SPIDR: variants seen among roughly 807,000 people sequenced by gnomAD.
SPIDR encodes DNA repair-scaffolding protein.
Under a neutral mutation model 104.6 loss-of-function variants are expected in SPIDR, and 93 were observed. That is an observed-to-expected ratio of 0.89 (90% CI 0.75 to 1.06). The LOEUF is 1.06. SPIDR is among the 50% of genes least tolerant of loss of function. The probability of loss-of-function intolerance (pLI) is 0.00; values close to 1 mark genes in which losing one functional copy is unlikely to be tolerated. For missense variants in SPIDR, 1,154 were observed against 1,111.2 expected (o/e 1.04, Z -0.55); for synonymous variants, 431 against 416.9 (o/e 1.03, Z -0.41).
At chr8:47,280,256 T>A (rs1018575685) in intron 2 of SPIDR, among the ~76,000 whole-genome samples, 63 of 151,960 alleles carry the variant, frequency 4.1e-4, no homozygotes, top group South Asian at 1.0e-3. Flanking sequence ...TTATTTATTT[T>A]TTTTGGAGAC....
intron 10 of SPIDR, among the ~76,000 whole-genome samples, chr8:47,645,354 A>ACTGTGAGGTTGTTGGATGC (rs1208362411): frequency 6.6e-6 from 1 of 152,132 alleles, no homozygotes; most frequent in Non-Finnish European, 1.5e-5. Context: ...CTCAAGGATG[A>ACTGTGAGGTTGTTGGATGC]CTGTGAGGTT....
rs572045959 is a variant in SPIDR, at chr8:47,665,938, A to G, written c.1545-7863A>G. 3.3e-5 allele frequency among the ~76,000 whole-genome samples: 5 copies of G among 152,262 alleles called. No individual in the cohort carries two copies. The East Asian group carries it at 9.6e-4, about 29-fold the overall frequency. On this transcript the variant is annotated intron_variant, in intron 10 of 19. Transcript: ENST00000297423. ...GTTGGATAAAACATAAATTTTTTGC[A>G]TTTTTTTATAGAACATAATTTGGAA...
In SPIDR at chr8:47,288,875, T is replaced by C. The variant is rs1028025505; in HGVS notation, c.257-2158T>C. Among the ~76,000 whole-genome samples, 6 of 152,352 alleles carry C rather than the reference T, an allele frequency of 3.9e-5. No individual in the cohort carries two copies. In the East Asian group the frequency reaches 1.2e-3, roughly 29 times the overall value. On this transcript the variant is annotated intron_variant, in intron 3 of 19. Transcript: ENST00000297423. ...ATCTTGTCAGTGAATCCTCTTTTCCTGATCGATGCAAAGTGGAACATTCCA... is the reference window on the plus strand; with the variant it reads ...ATCTTGTCAGTGAATCCTCTTTTCCCGATCGATGCAAAGTGGAACATTCCA...
chr8:47,391,977 C>T (rs2060641917), intron 5 of SPIDR, among the ~76,000 whole-genome samples: 1 of 124,998 alleles, frequency 8.0e-6, no homozygotes, highest in Non-Finnish European at 1.6e-5. Flanking sequence ...GCCTCGGCGA[C>T]AGAGCCAGAC....
intron 11 of SPIDR, among the ~76,000 whole-genome samples, chr8:47,691,804 A>C (rs1282824272): frequency 6.6e-6 from 1 of 152,174 alleles, no homozygotes; most frequent in Non-Finnish European, 1.5e-5. Flanking sequence ...CGGGGGTTAC[A>C]TGGAATTAGT....
chr8:47,689,439 C>A (rs1323600651), intron 11 of SPIDR, among the ~76,000 whole-genome samples: 2 of 152,176 alleles, frequency 1.3e-5, no homozygotes, highest in Non-Finnish European at 2.9e-5. Context: ...TTTGTGTGAT[C>A]TTCAAAATAA....
chr8:47,528,996 AT>A (rs559975194), intron 8 of SPIDR, among the ~76,000 whole-genome samples: 74 of 152,364 alleles, frequency 4.9e-4, no homozygotes, highest in African/African-American at 1.7e-3. Flanking sequence ...CCTGCAGAAA[AT>A]TACAGACAAA....
intron 5 of SPIDR, among the ~76,000 whole-genome samples, chr8:47,315,484 TG>T (rs1554588899): frequency 6.6e-6 from 1 of 152,200 alleles, no homozygotes; most frequent in African/African-American, 2.4e-5. Context: ...GAATTTAATG[TG>T]GTTCAAATCA....
At chr8:47,463,831 C>A (rs540920559) in intron 8 of SPIDR, among the ~76,000 whole-genome samples, 30 of 152,234 alleles carry the variant, frequency 2.0e-4, no homozygotes, top group African/African-American at 5.3e-4. Flanking sequence ...TAAAAACACT[C>A]AACAAACTGG....
chr8:47,704,919 C>A (rs977276988), intron 14 of SPIDR, among the ~76,000 whole-genome samples: 1 of 152,210 alleles, frequency 6.6e-6, no homozygotes, highest in Non-Finnish European at 1.5e-5. Context: ...CGCTCCTCTG[C>A]CTACCTTGAG....
At chr8:47,587,229 T>C (rs1415286917) in intron 8 of SPIDR, among the ~76,000 whole-genome samples, 1 of 152,220 alleles carries the variant, frequency 6.6e-6, no homozygotes, top group Non-Finnish European at 1.5e-5. Context: ...AAATGGTATA[T>C]AAGTTGTGAG....
chr8:47,354,464 AC>A (rs1359129998), intron 5 of SPIDR, among the ~76,000 whole-genome samples: 1 of 151,998 alleles, frequency 6.6e-6, no homozygotes, highest in African/African-American at 2.4e-5. Context: ...CCTGAGAATT[AC>A]GCATATTTAA....
intron 5 of SPIDR, among the ~76,000 whole-genome samples, chr8:47,320,716 A>G (rs1259782967): frequency 6.6e-6 from 1 of 152,180 alleles, no homozygotes; most frequent in East Asian, 1.9e-4. Context: ...CTGGCAAACC[A>G]AATCCAGCAT....
intron 10 of SPIDR, among the ~76,000 whole-genome samples, chr8:47,621,624 G>T (rs1272748841): frequency 6.6e-6 from 1 of 152,248 alleles, no homozygotes; most frequent in East Asian, 1.9e-4. Context: ...AGAGCTGTGT[G>T]AATACAGGGC....
At chr8:47,420,525 G>C (rs1554679366) in intron 7 of SPIDR, among the ~76,000 whole-genome samples, 1 of 152,068 alleles carries the variant, frequency 6.6e-6, no homozygotes, top group African/African-American at 2.4e-5. Context: ...AATGAGATGG[G>C]TTTCCTGAAT....
At chr8:47,503,319 T>C (rs1401713365) in intron 8 of SPIDR, among the ~76,000 whole-genome samples, 2 of 152,222 alleles carry the variant, frequency 1.3e-5, no homozygotes, top group Non-Finnish European at 2.9e-5. Flanking sequence ...GTCTGGGTGC[T>C]CCTGTATTGG....
intron 8 of SPIDR, among the ~76,000 whole-genome samples, chr8:47,566,974 G>C (rs1242370168): frequency 6.6e-6 from 1 of 152,062 alleles, no homozygotes; most frequent in Non-Finnish European, 1.5e-5. Flanking sequence ...GCAAATATTT[G>C]GTCAAACTCT....
At chr8:47,406,832 T>G (rs2062823359) in intron 6 of SPIDR, among the ~76,000 whole-genome samples, 1 of 152,216 alleles carries the variant, frequency 6.6e-6, no homozygotes. Flanking sequence ...TTTCTTAACC[T>G]CTCTCTAAAT....
At chr8:47,453,823 T>G (rs1443271856) in intron 8 of SPIDR, among the ~76,000 whole-genome samples, 2 of 152,136 alleles carry the variant, frequency 1.3e-5, no homozygotes, top group African/African-American at 4.8e-5. Flanking sequence ...GCAAAGGGTA[T>G]GAACAGACAC....
Sources: gnomAD v4.1 joint callset for allele counts (sites outside exome capture counted in the v4.1 genomes callset) on GRCh38, gnomAD v4.1.1 for gene constraint, MANE v1.5 for transcripts, NCBI Gene and HGNC (gene_info 2026-07-23, HGNC 2026-07-21) for gene names.